The following CES4A variants were observed in gnomAD, a reference collection of about 807,000 sequenced individuals.
CES4A encodes carboxylesterase 4A, also known as carboxylesterase 6.
In CES4A, 48 loss-of-function variants were observed where a neutral mutation model predicts 65.4. The observed-to-expected ratio is 0.73, with a 90% confidence interval of 0.58 to 0.93. The LOEUF is 0.93. Ranked by LOEUF, CES4A falls within the 40% of genes least tolerant of loss-of-function variation. The probability of loss-of-function intolerance (pLI) is 0.00; values close to 1 mark genes in which losing one functional copy is unlikely to be tolerated. For synonymous variants in CES4A, 247 were observed against 281.8 expected (o/e 0.88, Z 1.24); for missense variants, 685 against 728.5 (o/e 0.94, Z 0.69).
chr16:67,003,603 G>A lies in CES4A; in HGVS notation c.939+50G>A. On this transcript the variant is annotated intron_variant, in intron 8 of 13. Coordinates refer to ENST00000648724, the Ensembl canonical transcript of CES4A. This position sits in a 1 kb window ranked among gnomAD's most constrained non-coding sequence, Gnocchi z 4.2. ...TGAGTATTTATTTAACACCTACTTT[G>A]TGCCAGGCACTTGGGATACTTAGGG... 1 of 1,472,108 alleles carries A rather than the reference G, an allele frequency of 6.8e-7. No individual in the cohort carries two copies. Among genetic ancestry groups the A allele is most frequent in the Non-Finnish European group, 9.5e-7 (1 of 1,051,080 alleles). The allele number at this position is 1,472,108 out of a possible 1,614,324, so 91.2% of individuals were successfully genotyped here.
At chr16:66,989,958 C>T (rs930310377) in intron 1 of CES4A, among the ~76,000 whole-genome samples, 1 of 151,864 alleles carries the variant, frequency 6.6e-6, no homozygotes, top group Admixed American at 6.6e-5. Context: ...AAATTTTGCC[C>T]ATATATACAT....
chr16:67,006,354 C>T lies in CES4A; in HGVS notation c.1316-37C>T, dbSNP rs878984475. The T allele has an allele frequency of 1.9e-5, 29 of 1,535,774 alleles. No homozygotes were observed. In the Admixed American group the frequency reaches 5.5e-4, roughly 29 times the overall value. ...GGTGGATGAGAAGCCTAGGCAGAGGCTTTTCCTGCATCCCTCCTCAGTTTC... is the reference window on the plus strand; with the variant it reads ...GGTGGATGAGAAGCCTAGGCAGAGGTTTTTCCTGCATCCCTCCTCAGTTTC... On this transcript the variant is annotated intron_variant, in intron 11 of 13. Transcript: ENST00000648724.
At chr16:66,998,165 A>AT (rs1965008562) in intron 2 of CES4A, among the ~76,000 whole-genome samples, 1 of 152,070 alleles carries the variant, frequency 6.6e-6, no homozygotes, top group Non-Finnish European at 1.5e-5. Flanking sequence ...AGAAAAAAAA[A>AT]CAAAAACTGA....
At position 67,001,520 on chromosome 16, in the gene CES4A, G is replaced by A. The variant is rs1965354313; in HGVS notation, c.690+59G>A. On this transcript the variant is annotated intron_variant, in intron 5 of 13. Transcript: ENST00000648724. This position sits in a 1 kb window ranked among gnomAD's most constrained non-coding sequence, Gnocchi z 4.1. ...CTTAGGCTCCTGCGTTCCCACAAAT[G>A]TATGCTCCACTGCACAGGCCATGTG... The A allele has an allele frequency of 7.2e-6, 11 of 1,529,244 alleles. No homozygotes were observed. Among genetic ancestry groups the A allele is most frequent in the Non-Finnish European group, 9.7e-6 (11 of 1,134,584 alleles). 94.7% of individuals were successfully genotyped at this position (1,529,244 alleles called of 1,614,324 possible). A position where few individuals can be genotyped will look rare whatever the true frequency, so the allele number is the denominator to read the frequency against.
chr16:67,002,934 ACTCC>A (rs1965468008), intron 5 of CES4A, 132 bp from the exon 6 acceptor site: 2 of 713,098 alleles, frequency 2.8e-6, no homozygotes, highest in African/African-American at 1.7e-5. Flanking sequence ...TCACCCCAGG[ACTCC>A]TGACTCCCTC....
At chr16:67,004,907 G>A (rs532152900) in intron 10 of CES4A, 34 bp downstream of exon 10, 62 of 1,493,318 alleles carry the variant, frequency 4.2e-5, no homozygotes, top group African/African-American at 9.7e-5. Context: ...TGCTCAGTTC[G>A]GACAGGGTTG....
Position 67,001,587 on chromosome 16 carries a change from C to A in CES4A, c.690+126C>A. The A allele has an allele frequency of 8.7e-7, 1 of 1,150,116 alleles. No individual in the cohort carries two copies. The highest frequency in any genetic ancestry group is 1.2e-6 in the Non-Finnish European group (1 of 828,290). The allele number at this position is 1,150,116 out of a possible 1,614,324, so 71.2% of individuals were successfully genotyped here. The stretch of plus-strand genomic sequence containing the variant: ...GGAACGTGCCTGCCACAGAAATGCT[C>A]TCGCCCCTGCCAAGGGTACAGCCCC... On this transcript the variant is annotated intron_variant, in intron 5 of 13. Transcript: ENST00000648724. The surrounding 1 kb of genome is among the most constrained non-coding windows in gnomAD (Gnocchi z 4.1).
chr16:67,000,690 G>C lies in CES4A; in HGVS notation c.313G>C (p.Glu105Gln). 1.3e-6 allele frequency: 2 copies of C among 1,550,652 alleles called. No homozygotes were observed. The highest frequency in any genetic ancestry group is 1.7e-6 in the Non-Finnish European group (2 of 1,147,450). ...GGCCTCGATGTACGTCAGCACGCGG[G>C]AACGGTACAAGTGGCTGCGCTTCAG... Residue 105 changes from glutamate to glutamine, a missense_variant, in exon 3 of 14, where the codon GAA (glutamate) becomes CAA (glutamine). By Grantham distance (29) the Glu-to-Gln change is conservative. Coordinates refer to ENST00000648724, the Ensembl canonical transcript of CES4A. This position sits in a 1 kb window ranked among gnomAD's most constrained non-coding sequence, Gnocchi z 4.2.
chr16:66,998,582 G>C (rs1965042642), intron 2 of CES4A, among the ~76,000 whole-genome samples: 1 of 152,144 alleles, frequency 6.6e-6, no homozygotes. Flanking sequence ...TAAAGAAAGA[G>C]AGGAGGCTGG....
In CES4A at chr16:67,001,480, C is replaced by A; in HGVS notation, c.690+19C>A. ...AGGACTGGTGAGAGCAATGCCCAGA[C>A]GGACCGAGCACAGACTTAGGCTCCT... On this transcript the variant is annotated intron_variant, in intron 5 of 13. Transcript: ENST00000648724. This position sits in a 1 kb window ranked among gnomAD's most constrained non-coding sequence, Gnocchi z 4.1. The A allele has an allele frequency of 4.4e-6, 7 of 1,581,892 alleles. No homozygotes were observed. The highest frequency in any genetic ancestry group is 6.0e-6 in the Non-Finnish European group (7 of 1,164,474).
In CES4A at chr16:67,001,398, G is replaced by A. The variant is rs369326820; in HGVS notation, c.627G>A (p.Gly209=). The change falls in exon 5 of 14, where the codon GGG becomes GGA. Residue 209 remains glycine, a synonymous_variant. Transcript: ENST00000648724. This position sits in a 1 kb window ranked among gnomAD's most constrained non-coding sequence, Gnocchi z 4.1. ...TGCAGGAGAACATCGCAGCCTTCGG[G>A]GGAGACCCAGGAAATGTGACCCTGT... 1.2e-4 allele frequency: 194 copies of A among 1,613,648 alleles called. 1 individual carries two copies. The highest frequency in any genetic ancestry group is 1.6e-4 in the Non-Finnish European group (187 of 1,179,912).
chr16:67,006,939 G>C (rs1183086298), intron 13 of CES4A, 122 bp downstream of exon 13: 4 of 832,658 alleles, frequency 4.8e-6, no homozygotes, highest in Non-Finnish European at 7.6e-6. Flanking sequence ...GGCCCAAACA[G>C]GGTGCCCCTT....
chr16:67,007,472 G>C (rs1465729732), intron 13 of CES4A: 1 of 151,706 alleles, frequency 6.6e-6, no homozygotes, highest in East Asian at 1.9e-4. Flanking sequence ...TTTCACGTTG[G>C]CCAGGCTGGT....
chr16:66,991,943 T>G (rs1424516607), intron 1 of CES4A, among the ~76,000 whole-genome samples: 1 of 151,842 alleles, frequency 6.6e-6, no homozygotes, highest in Admixed American at 6.6e-5. Context: ...ACCCTGTCTC[T>G]ACAAAAAAGA....
chr16:67,009,520 G>T (rs1250240823), exon 14 of CES4A: 1 of 174,388 alleles, frequency 5.7e-6, no homozygotes, highest in African/African-American at 2.4e-5. Context: ...GACTGCCACT[G>T]CCCCTGTCAC....
chr16:67,002,840 C>T (rs916592228), intron 5 of CES4A, among the ~76,000 whole-genome samples: 1 of 152,114 alleles, frequency 6.6e-6, no homozygotes, highest in African/African-American at 2.4e-5. Flanking sequence ...ATTCCCTCCC[C>T]CAATCTCACA....
Position 67,006,536 on chromosome 16 carries a change from T to A in CES4A, c.1444+17T>A, listed in dbSNP as rs1335180607. ...TCGCCACAGGTGCAAAGGTCCCACC[T>A]GATACCCCAACTGGGTGTCCAGTCT... On this transcript the variant is annotated intron_variant, in intron 12 of 13. Coordinates refer to ENST00000648724, the Ensembl canonical transcript of CES4A. 1.3e-6 allele frequency: 2 copies of A among 1,540,478 alleles called. No individual in the cohort carries two copies. The highest frequency in any genetic ancestry group is 1.2e-5 in the South Asian group (1 of 84,816).
Position 67,001,570 on chromosome 16 carries a change from C to T in CES4A, c.690+109C>T. ...GCAGATTTGCGTGTACAGGAACGTG[C>T]CTGCCACAGAAATGCTCTCGCCCCT... On this transcript the variant is annotated intron_variant, in intron 5 of 13. Coordinates refer to ENST00000648724, the Ensembl canonical transcript of CES4A. This position sits in a 1 kb window ranked among gnomAD's most constrained non-coding sequence, Gnocchi z 4.1. 7.6e-7 allele frequency: 1 copy of T among 1,316,864 alleles called. No individual in the cohort carries two copies. The highest frequency in any genetic ancestry group is 2.5e-5 in the East Asian group (1 of 40,732). 81.6% of individuals were successfully genotyped at this position (1,316,864 alleles called of 1,614,324 possible).
chr16:66,995,930 C>A, intron 2 of CES4A, 101 bp downstream of exon 2: 1 of 1,179,248 alleles, frequency 8.5e-7, no homozygotes, highest in South Asian at 1.3e-5. Flanking sequence ...ACTGTGTGAT[C>A]ACAGGCAGGC....
Sources: allele counts gnomAD v4.1 joint callset (sites outside exome capture counted in the v4.1 genomes callset), GRCh38; gene constraint gnomAD v4.1.1; non-coding constraint Gnocchi (gnomAD v3.1); transcripts MANE v1.5; gene names NCBI Gene and HGNC (gene_info 2026-07-23, HGNC 2026-07-21).